The following COQ9 variants were observed in gnomAD, a reference collection of about 807,000 sequenced individuals.
COQ9 encodes the protein coenzyme Q9.
A neutral mutation model predicts 42.4 loss-of-function variants in COQ9; 35 were observed. That is an observed-to-expected ratio of 0.83 (90% CI 0.63 to 1.10). The LOEUF (loss-of-function observed/expected upper bound fraction) is 1.10, where lower values mean the gene tolerates loss of function less well. Among genes scored for constraint, COQ9 ranks in the 50% least tolerant of loss-of-function variants. COQ9 has a pLI of 0.00. For missense variants in COQ9, 406 were observed against 414.6 expected (o/e 0.98, Z 0.18); for synonymous variants, 155 against 155.1 (o/e 1.00, Z 0.00).
chr16:57,459,427 T>C, intron 6 of COQ9, 138 bp from the exon 7 acceptor site: 1 of 818,004 alleles, frequency 1.2e-6, no homozygotes, highest in South Asian at 1.5e-5. Context: ...TTTGAGATGG[T>C]AGTGTTGTCC....
At chr16:57,456,763 G>T in intron 4 of COQ9, 117 bp downstream of exon 4, 1 of 1,383,966 alleles carries the variant, frequency 7.2e-7, no homozygotes, top group African/African-American at 1.4e-5. Context: ...GCATTGGGCA[G>T]CCCTGCTGCT....
At chr16:57,460,500 A>G (rs759784395) in intron 8 of COQ9, 89 bp from the exon 9 acceptor site, 14 of 1,330,088 alleles carry the variant, frequency 1.1e-5, no homozygotes, top group Middle Eastern at 2.0e-4. Flanking sequence ...GAAAAAAAAA[A>G]AGAGAAAAAG....
chr16:57,458,197 G>A (rs769108167), intron 5 of COQ9, 49 bp from the exon 6 acceptor site: 45 of 1,356,938 alleles, frequency 3.3e-5, no homozygotes, highest in Non-Finnish European at 4.1e-5. Flanking sequence ...GGTCAACTAT[G>A]CACCATTACC....
At chr16:57,452,432 A>G (rs745575838) in intron 2 of COQ9, among the ~76,000 whole-genome samples, 1 of 152,250 alleles carries the variant, frequency 6.6e-6, no homozygotes, top group Non-Finnish European at 1.5e-5. Context: ...ACTTGAGGTC[A>G]GGAGTTCGAG....
At chr16:57,447,788 C>A in intron 1 of COQ9, 1 of 396,840 alleles carries the variant, frequency 2.5e-6, no homozygotes, top group Non-Finnish European at 4.4e-6. Context: ...CGGGGCAGGG[C>A]CTGTCACCCC....
At position 57,451,083 on chromosome 16, in the gene COQ9, T is replaced by C. The variant is rs1404869714; in HGVS notation, c.117T>C (p.Ala39=). 2 of 1,614,066 alleles carry C rather than the reference T, an allele frequency of 1.2e-6. No homozygotes were observed. Among genetic ancestry groups the C allele is most frequent in the African/African-American group, 2.7e-5 (2 of 74,912 alleles). Residue 39 remains alanine (A), a synonymous_variant, in exon 2 of 9, where the codon GCT becomes GCC. Transcript: ENST00000262507. ...CCCTGGTGCCGCGTGCCTTCCATGC[T>C]TCAGCTGTGGGGCTAAGGTCTTCAG... is the stretch of plus-strand genomic sequence containing the variant. ...RQALVPRAFH[A]SAVGLRSSDE...
chr16:57,456,370 T>G, intron 3 of COQ9, 134 bp from the exon 4 acceptor site: 1 of 1,028,328 alleles, frequency 9.7e-7, no homozygotes, highest in South Asian at 1.3e-5. Context: ...GTGGTCAGTT[T>G]CACCAAAATC....
At chr16:57,460,160 TACATGTGTTACTG>T in intron 8 of COQ9, 56 bp downstream of exon 8, 1 of 1,525,660 alleles carries the variant, frequency 6.6e-7, no homozygotes, top group Non-Finnish European at 9.1e-7. Context: ...GGCTCTGTGA[TACATGTGTTACTG>T]ACTTCACATC....
In COQ9 at chr16:57,456,517, C is replaced by G. The variant is rs2146590803; in HGVS notation, c.392C>G (p.Ser131Cys). Residue 131 changes from serine to cysteine, a missense_variant, in exon 4 of 9, where the codon TCC becomes TGC. Physicochemically the swap from Ser to Cys is moderately radical, Grantham distance 112. Coordinates refer to ENST00000262507, the MANE Select transcript of COQ9 (RefSeq NM_020312.4). ...CCCCTTTTGTAGTCTCTGGGTCTCT[C>G]CAGTGCAGCAGCCAGCATGTTCGGG... ...IAEGAQSLGLSSAAASMFGKD... is the reference protein window; with the variant it reads ...IAEGAQSLGLCSAAASMFGKD... 1 of 1,614,188 alleles carries G rather than the reference C, an allele frequency of 6.2e-7. No homozygotes were observed. The highest frequency in any genetic ancestry group is 8.5e-7 in the Non-Finnish European group (1 of 1,180,032).
At chr16:57,451,245 T>C (rs1234700265) in intron 2 of COQ9, 37 bp downstream of exon 2, 2 of 1,595,394 alleles carry the variant, frequency 1.3e-6, no homozygotes, top group Admixed American at 1.7e-5. Context: ...CCACTTCATA[T>C]GCTTCATTAT....
At chr16:57,460,126 C>G in intron 8 of COQ9, 22 bp downstream of exon 8, 4 of 1,612,970 alleles carry the variant, frequency 2.5e-6, no homozygotes, top group Non-Finnish European at 2.5e-6. Flanking sequence ...CCAGCACATC[C>G]CTGCCCCTCC....
intron 5 of COQ9, chr16:57,457,981 C>T (rs1328647029): frequency 4.2e-5 from 20 of 480,902 alleles, no homozygotes; most frequent in Non-Finnish European, 2.3e-5. Context: ...AGTCTAGACC[C>T]TCTGGCCCTC....
At chr16:57,457,725 C>T (rs780111252) in intron 5 of COQ9, among the ~76,000 whole-genome samples, 6 of 152,194 alleles carry the variant, frequency 3.9e-5, no homozygotes, top group South Asian at 2.1e-4. Flanking sequence ...TGGAAGTGCA[C>T]GTATGAGGCC....
chr16:57,453,160 TC>T, intron 3 of COQ9: 1 of 591,844 alleles, frequency 1.7e-6, no homozygotes, highest in South Asian at 2.0e-5. Context: ...CTAAAGGCAA[TC>T]TATTAGGCAA....
At chr16:57,451,352 T>G in intron 2 of COQ9, 144 bp downstream of exon 2, 2 of 932,116 alleles carry the variant, frequency 2.1e-6, no homozygotes, top group South Asian at 2.8e-5. Context: ...TTTTATTTTT[T>G]GTAGTGATGG....
rs2030497535 is a variant in COQ9 at position 57,460,030 on chromosome 16, CCT to C, written c.868-20_868-19del. Reference sequence around the variant, plus strand: ...ACTTTGTGTTGGTGGCCTAAGGGAACCTGACACTGACTCCTTCTAGGTAAAGT... The same window carrying C: ...ACTTTGTGTTGGTGGCCTAAGGGAACGACACTGACTCCTTCTAGGTAAAGT... On this transcript the variant is annotated intron_variant, in intron 7 of 8. Coordinates refer to ENST00000262507, the MANE Select transcript of COQ9 (RefSeq NM_020312.4). 6.2e-7 allele frequency: 1 copy of C among 1,613,436 alleles called. No individual in the cohort carries two copies. The highest frequency in any genetic ancestry group is 1.3e-5 in the African/African-American group (1 of 74,916).
rs778074542 is a variant in COQ9, at chr16:57,459,613, A to G, written c.760A>G (p.Thr254Ala). Residue 254 changes from threonine to alanine, a missense_variant, in exon 7 of 9, where the codon ACA becomes GCA. By Grantham distance (58) the Thr-to-Ala change is moderately conservative (BLOSUM62 0). Transcript: ENST00000262507. ...RAMLAAIYNT[T>A]ELVMMQDSSP... ...CATGCTGGCTGCCATCTACAACACA[A>G]CAGAGCTGGTGATGATGCAGGACTC... 4.3e-6 allele frequency: 7 copies of G among 1,614,164 alleles called. No individual in the cohort carries two copies. In the South Asian group the frequency reaches 6.6e-5, roughly 15 times the overall value.
At chr16:57,460,246 G>C in intron 8 of COQ9, 142 bp downstream of exon 8, 1 of 935,296 alleles carries the variant, frequency 1.1e-6, no homozygotes, top group Non-Finnish European at 1.7e-6. Flanking sequence ...TTCAGCCCTA[G>C]TGTCTTGATT....
intron 4 of COQ9, 137 bp from the exon 5 acceptor site, chr16:57,456,794 C>G (rs2030414192): frequency 7.6e-7 from 1 of 1,316,498 alleles, no homozygotes; most frequent in African/African-American, 1.5e-5. Context: ...TGAAACCTGG[C>G]AGCCTGTCTC....
Sources: gnomAD v4.1 joint callset for allele counts (sites outside exome capture counted in the v4.1 genomes callset) on GRCh38, gnomAD v4.1.1 for gene constraint, MANE v1.5 for transcripts, NCBI Gene and HGNC (gene_info 2026-07-23, HGNC 2026-07-21) for gene names.